Variants in LPP observed in about 807,000 individuals in gnomAD.
The protein encoded by LPP is lipoma-preferred partner.
Under a neutral mutation model 60.4 loss-of-function variants are expected in LPP, and 38 were observed. That is an observed-to-expected ratio of 0.63 (90% confidence interval 0.49 to 0.83). The LOEUF is 0.83. LPP is among the 40% of genes least tolerant of loss of function. The probability of loss-of-function intolerance (pLI) is 0.00; values close to 1 mark genes in which losing one functional copy is unlikely to be tolerated. For missense variants in LPP, 902 were observed against 783.6 expected, an observed-to-expected ratio of 1.15 and a Z score of -1.80; for synonymous variants, 328 against 290.8, an observed-to-expected ratio of 1.13 and a Z score of -1.30.
intron 6 of LPP, among the ~76,000 whole-genome samples, chr3:188,584,700 T>C (rs1837037839): frequency 1.3e-5 from 2 of 152,022 alleles, no homozygotes; most frequent in East Asian, 1.9e-4. Context: ...CTACATCCTG[T>C]TCCCTTGCTT....
At chr3:188,795,253 A>G (rs2151073596) in intron 9 of LPP, among the ~76,000 whole-genome samples, 1 of 152,338 alleles carries the variant, frequency 6.6e-6, no homozygotes, top group African/African-American at 2.4e-5. Flanking sequence ...GATTTTCTTA[A>G]TGTCTTAGTT....
At chr3:188,636,106 G>T (rs549925567) in intron 7 of LPP, among the ~76,000 whole-genome samples, 11 of 152,352 alleles carry the variant, frequency 7.2e-5, no homozygotes, top group African/African-American at 2.6e-4. Flanking sequence ...CCTGAGCGAC[G>T]CAGAAGGCGG....
intron 9 of LPP, among the ~76,000 whole-genome samples, chr3:188,812,175 T>A (rs1224357959): frequency 6.6e-6 from 1 of 152,162 alleles, no homozygotes; most frequent in Non-Finnish European, 1.5e-5. Context: ...GTTCATATAG[T>A]TGATGATCTA....
intron 9 of LPP, among the ~76,000 whole-genome samples, chr3:188,796,159 C>A (rs919921690): frequency 1.3e-5 from 2 of 152,126 alleles, no homozygotes; most frequent in Non-Finnish European, 1.5e-5. Flanking sequence ...AACACAGGAA[C>A]CTGACTTAGA....
intron 2 of LPP, among the ~76,000 whole-genome samples, chr3:188,261,383 T>A (rs1197720051): frequency 6.6e-6 from 1 of 152,130 alleles, no homozygotes; most frequent in East Asian, 1.9e-4. Flanking sequence ...CATACACACA[T>A]GCAACTTTTA....
chr3:188,315,309 A>G (rs1157751667), intron 2 of LPP, among the ~76,000 whole-genome samples: 1 of 152,080 alleles, frequency 6.6e-6, no homozygotes, highest in African/African-American at 2.4e-5. Context: ...CTAAAGCATC[A>G]GAGTTTAATT....
At chr3:188,786,237 C>A (rs1420057017) in intron 9 of LPP, among the ~76,000 whole-genome samples, 2 of 151,330 alleles carry the variant, frequency 1.3e-5, no homozygotes, top group Non-Finnish European at 2.9e-5. Flanking sequence ...AAAAAAATTA[C>A]CCGGGCATGG....
In LPP at chr3:188,338,236, G is replaced by T. The variant is rs145403726; in HGVS notation, c.-66-3427G>T. 4.0e-3 allele frequency among the ~76,000 whole-genome samples: 610 copies of T among 152,292 alleles called. 3 individuals carry two copies. The highest frequency in any genetic ancestry group is 0.014 in the Middle Eastern group (4 of 294). ...TGAGACAACCAAATCATAAGCTATG[G>T]AATACCTTGTATTCTTGATAAGTAT... On this transcript the variant is annotated intron_variant, in intron 2 of 11. Coordinates refer to ENST00000617246, the MANE Select transcript of LPP (RefSeq NM_001375462.1).
At chr3:188,463,031 G>A (rs1331575604) in intron 4 of LPP, among the ~76,000 whole-genome samples, 1 of 152,114 alleles carries the variant, frequency 6.6e-6, no homozygotes, top group Non-Finnish European at 1.5e-5. Context: ...GCTTGAACCA[G>A]GAGGCAGAGG....
intron 9 of LPP, among the ~76,000 whole-genome samples, chr3:188,851,409 A>G (rs1277750432): frequency 6.6e-6 from 1 of 152,234 alleles, no homozygotes; most frequent in African/African-American, 2.4e-5. Flanking sequence ...AAATAATCCC[A>G]TACCAGTGTA....
chr3:188,442,134 A>G (rs1283364319), intron 4 of LPP, among the ~76,000 whole-genome samples: 4 of 152,270 alleles, frequency 2.6e-5, no homozygotes, highest in Non-Finnish European at 4.4e-5. Context: ...ATTTATTTTT[A>G]TTATTATACT....
At chr3:188,619,732 T>C (rs1845482630) in intron 7 of LPP, among the ~76,000 whole-genome samples, 2 of 152,234 alleles carry the variant, frequency 1.3e-5, no homozygotes, top group African/African-American at 4.8e-5. Flanking sequence ...AAGAACGTCA[T>C]GAAATTTAGA....
chr3:188,682,220 A>C (rs996846394), intron 7 of LPP, among the ~76,000 whole-genome samples: 1 of 152,192 alleles, frequency 6.6e-6, no homozygotes. Flanking sequence ...GGAATTTGCT[A>C]TATTAATAGC....
At chr3:188,191,082 T>G (rs1728040416) in intron 1 of LPP, among the ~76,000 whole-genome samples, 2 of 152,038 alleles carry the variant, frequency 1.3e-5, no homozygotes, top group South Asian at 4.1e-4. Context: ...ATACAAAAAT[T>G]AGCTGGGAGT....
intron 9 of LPP, among the ~76,000 whole-genome samples, chr3:188,841,397 T>G (rs1013964128): frequency 1.4e-5 from 2 of 146,616 alleles, no homozygotes; most frequent in African/African-American, 5.1e-5. Context: ...GAATTTGTTT[T>G]TTTTTTTTTT....
chr3:188,653,355 C>T (rs1334184830), intron 7 of LPP, among the ~76,000 whole-genome samples: 1 of 152,150 alleles, frequency 6.6e-6, no homozygotes, highest in Non-Finnish European at 1.5e-5. Context: ...TGTACTTGAA[C>T]TTGTCATACC....
chr3:188,735,649 G>A (rs187029973), intron 8 of LPP, among the ~76,000 whole-genome samples: 269 of 152,224 alleles, frequency 1.8e-3, no homozygotes, highest in African/African-American at 6.0e-3. Flanking sequence ...CTCCCAAAGT[G>A]CTGGGATTAC....
intron 4 of LPP, among the ~76,000 whole-genome samples, chr3:188,480,028 G>C (rs546876472): frequency 1.3e-5 from 2 of 152,150 alleles, no homozygotes; most frequent in Non-Finnish European, 2.9e-5. Context: ...TCTGACTGAC[G>C]CAAGTGTTAG....
intron 3 of LPP, among the ~76,000 whole-genome samples, chr3:188,376,889 A>C (rs147936345): frequency 1.3e-5 from 2 of 152,208 alleles, no homozygotes; most frequent in Non-Finnish European, 2.9e-5. Flanking sequence ...GAGCTCTTGT[A>C]AGGCAGGCCT....
Sources: allele counts gnomAD v4.1 joint callset (sites outside exome capture counted in the v4.1 genomes callset), GRCh38; gene constraint gnomAD v4.1.1; transcripts MANE v1.5; gene names NCBI Gene and HGNC (gene_info 2026-07-23, HGNC 2026-07-21).